The following SPSB4 variants were observed in gnomAD, a reference collection of about 807,000 sequenced individuals.
The protein encoded by SPSB4 is SPRY domain-containing SOCS box protein 4.
SPSB4 carries 21 observed loss-of-function variants against 20.9 expected under a neutral mutation model. The ratio of observed to expected loss-of-function variants is 1.01; its 90% CI spans 0.71 to 1.45. The LOEUF (loss-of-function observed/expected upper bound fraction) is 1.45. Among genes scored for constraint, SPSB4 ranks in the 40% most tolerant of loss-of-function variants. The pLI is 0.00. For missense variants in SPSB4, 399 were observed against 399.2 expected (o/e 1.00, Z 0.00); for synonymous variants, 207 against 183.8 (o/e 1.13, Z -1.02).
chr3:141,122,548 G>C (rs544443173), intron 2 of SPSB4, among the ~76,000 whole-genome samples: 1 of 152,342 alleles, frequency 6.6e-6, no homozygotes, highest in South Asian at 2.1e-4. Context: ...CAGCAAGGCA[G>C]CAGGCCTTGC....
intron 2 of SPSB4, among the ~76,000 whole-genome samples, chr3:141,104,930 A>G (rs1354078572): frequency 6.6e-6 from 1 of 152,198 alleles, no homozygotes; most frequent in Non-Finnish European, 1.5e-5. Context: ...CCTGAGGGGT[A>G]GGAGTACACC....
chr3:141,054,905 C>T (rs999889062), intron 1 of SPSB4, among the ~76,000 whole-genome samples: 1 of 151,266 alleles, frequency 6.6e-6, no homozygotes, highest in Admixed American at 6.6e-5. Flanking sequence ...GCAGAGCTTG[C>T]AGTGAGCCGA....
At position 141,147,178 on chromosome 3, in the gene SPSB4, C is replaced by G; in HGVS notation, c.731C>G (p.Ser244Cys). 1 of 1,614,220 alleles carries G rather than the reference C, an allele frequency of 6.2e-7. No homozygotes were observed. The highest frequency in any genetic ancestry group is 1.1e-5 in the South Asian group (1 of 91,078). The stretch of plus-strand genomic sequence containing the variant: ...CCACTGATGGACCTGTGCCGGAGAT[C>G]CATCCGCTCGGCCCTGGGCCGCCAG... ...PLPLMDLCRR[S>C]IRSALGRQRL... The change falls in exon 3 of 3, where the codon TCC (serine) becomes TGC (cysteine). Residue 244 changes from serine to cysteine, a missense_variant. Transcript: ENST00000310546.
intron 2 of SPSB4, among the ~76,000 whole-genome samples, chr3:141,069,860 C>T (rs1234455786): frequency 6.6e-6 from 1 of 152,186 alleles, no homozygotes; most frequent in Non-Finnish European, 1.5e-5. Flanking sequence ...TTTCCTCTAA[C>T]ATGATGAAAG....
intron 2 of SPSB4, among the ~76,000 whole-genome samples, chr3:141,122,900 G>C (rs1031087898): frequency 2.0e-5 from 3 of 152,200 alleles, no homozygotes; most frequent in African/African-American, 7.2e-5. Context: ...GTGCTTCTCT[G>C]GTGAGGCGAC....
At chr3:141,114,276 T>TC (rs1938851060) in intron 2 of SPSB4, among the ~76,000 whole-genome samples, 1 of 152,016 alleles carries the variant, frequency 6.6e-6, no homozygotes, top group Non-Finnish European at 1.5e-5. Context: ...CACCCTTCAT[T>TC]CCCCATGACC....
intron 2 of SPSB4, among the ~76,000 whole-genome samples, chr3:141,083,656 C>T (rs1214600132): frequency 6.6e-6 from 1 of 152,088 alleles, no homozygotes; most frequent in African/African-American, 2.4e-5. Context: ...CCCACTTCTC[C>T]ACCTGTCTAA....
intron 1 of SPSB4, among the ~76,000 whole-genome samples, chr3:141,053,012 G>C (rs1936122078): frequency 1.3e-5 from 2 of 152,214 alleles, no homozygotes; most frequent in Non-Finnish European, 2.9e-5. Flanking sequence ...AAGGTGGAGA[G>C]TTCTCAGTTC....
In SPSB4 at chr3:141,066,457, C is replaced by T; in HGVS notation, c.353C>T (p.Ala118Val). ...GGCACCCACGCTGTAGTTGGTGTGG[C>T]CACGGCCCGTGCTCCCCTGCACTCC... ...QRGTHAVVGV[A>V]TARAPLHSVG... Residue 118 changes from alanine (A) to valine (V), a missense_variant, in exon 2 of 3, where the codon GCC (alanine) becomes GTC (valine). Coordinates refer to ENST00000310546, the MANE Select transcript of SPSB4 (RefSeq NM_080862.3). The T allele has an allele frequency of 6.7e-7, 1 of 1,498,868 alleles. No homozygotes were observed. Among genetic ancestry groups the T allele is most frequent in the East Asian group, 2.5e-5 (1 of 40,778 alleles). The allele number at this position is 1,498,868 out of a possible 1,614,324, so 92.8% of individuals were successfully genotyped here.
chr3:141,084,969 G>T (rs1419825547), intron 2 of SPSB4, among the ~76,000 whole-genome samples: 1 of 152,226 alleles, frequency 6.6e-6, no homozygotes, highest in Non-Finnish European at 1.5e-5. Context: ...TTGTAATTGA[G>T]CAGGAAGGCC....
rs1939434167 is a variant in SPSB4, at chr3:141,147,550, C to G, written c.*281C>G. ...ACCTCCTGGAAATCCTGCCACCAAC[C>G]AGGACACAGCAGCCACCGTATTGAT... On this transcript the variant is annotated 3_prime_UTR_variant, in exon 3 of 3. Coordinates refer to ENST00000310546, the MANE Select transcript of SPSB4 (RefSeq NM_080862.3). The G allele has an allele frequency of 7.0e-6, 3 of 428,754 alleles. No individual in the cohort carries two copies. The highest frequency in any genetic ancestry group is 1.3e-5 in the Non-Finnish European group (3 of 234,300). The allele number at this position is 428,754 out of a possible 1,614,324, so 26.6% of individuals were successfully genotyped here.
At position 141,113,462 on chromosome 3, in the gene SPSB4, AG is replaced by A. The variant is rs540828330; in HGVS notation, c.695-33678del. 2.6e-5 allele frequency among the ~76,000 whole-genome samples: 4 copies of A among 152,380 alleles called. No homozygotes were observed. In the South Asian group the frequency reaches 8.3e-4, roughly 32 times the overall value. ...AATGGAATATTATTTAGCCATAAAA[AG>A]GAATGACATTCGGATACATGCTACA... On this transcript the variant is annotated intron_variant, in intron 2 of 2. Transcript: ENST00000310546.
intron 2 of SPSB4, among the ~76,000 whole-genome samples, chr3:141,082,662 T>A (rs957175070): frequency 1.3e-5 from 2 of 152,070 alleles, no homozygotes; most frequent in Non-Finnish European, 2.9e-5. Flanking sequence ...TATCTATCTA[T>A]CTTTCCATTA....
At chr3:141,098,956 C>T (rs1052635261) in intron 2 of SPSB4, among the ~76,000 whole-genome samples, 4 of 152,040 alleles carry the variant, frequency 2.6e-5, no homozygotes, top group Admixed American at 6.6e-5. Context: ...AAGGTGGAAG[C>T]GAGCACATGA....
At chr3:141,118,162 CCTGT>C (rs1365991728) in intron 2 of SPSB4, among the ~76,000 whole-genome samples, 1 of 152,046 alleles carries the variant, frequency 6.6e-6, no homozygotes, top group Non-Finnish European at 1.5e-5. Flanking sequence ...CTCTCCAGCA[CCTGT>C]CTTTTTAATG....
At chr3:141,079,129 C>T (rs1367466041) in intron 2 of SPSB4, among the ~76,000 whole-genome samples, 3 of 152,082 alleles carry the variant, frequency 2.0e-5, no homozygotes, top group Non-Finnish European at 1.5e-5. Flanking sequence ...GGTGTGGTGG[C>T]AGGCACCTGT....
intron 2 of SPSB4, among the ~76,000 whole-genome samples, chr3:141,128,297 G>A (rs1417556612): frequency 6.6e-6 from 1 of 152,182 alleles, no homozygotes; most frequent in Non-Finnish European, 1.5e-5. Context: ...TGATGAGAAA[G>A]TGATCCCTGT....
intron 1 of SPSB4, among the ~76,000 whole-genome samples, chr3:141,053,643 G>A (rs910390704): frequency 2.6e-5 from 4 of 151,954 alleles, no homozygotes; most frequent in Non-Finnish European, 5.9e-5. Flanking sequence ...GCAAAGACAC[G>A]ATTCATACAT....
intron 2 of SPSB4, among the ~76,000 whole-genome samples, chr3:141,142,444 C>T (rs1183437703): frequency 1.3e-5 from 2 of 152,108 alleles, no homozygotes; most frequent in Non-Finnish European, 2.9e-5. Context: ...TTTATTGAGA[C>T]TTGTTTTGTG....
Sources: allele counts gnomAD v4.1 joint callset (sites outside exome capture counted in the v4.1 genomes callset), GRCh38; gene constraint gnomAD v4.1.1; transcripts MANE v1.5; gene names NCBI Gene and HGNC (gene_info 2026-07-23, HGNC 2026-07-21).